Variants in JPH2 observed in about 807,000 individuals in gnomAD.
The protein encoded by JPH2 is junctophilin-2.
In JPH2, 38 loss-of-function variants were observed where a neutral mutation model predicts 55.9. The ratio of observed to expected loss-of-function variants is 0.68; its 90% CI spans 0.52 to 0.89. The LOEUF (loss-of-function observed/expected upper bound fraction) is 0.89, where lower values mean the gene tolerates loss of function less well. Ranked by LOEUF, JPH2 falls within the 40% of genes least tolerant of loss-of-function variation. The pLI is 0.00. For missense variants in JPH2, 964 were observed against 1,037.6 expected (o/e 0.93, Z 0.97); for synonymous variants, 480 against 472.4 (o/e 1.02, Z -0.21).
chr20:44,135,926 C>A (rs1162954077), intron 2 of JPH2, among the ~76,000 whole-genome samples: 1 of 152,198 alleles, frequency 6.6e-6, no homozygotes, highest in East Asian at 1.9e-4. Context: ...TACTACATGA[C>A]AGGCCCATTG....
chr20:44,134,848 TTATAAATATATA>T (rs1393711006), intron 2 of JPH2, among the ~76,000 whole-genome samples: 2 of 98,614 alleles, frequency 2.0e-5, no homozygotes, highest in African/African-American at 4.3e-5. Flanking sequence ...TATATGTTTA[TTATAAATATATA>T]TATAAATATA....
chr20:44,186,159 A>G (rs2072837778), intron 1 of JPH2, among the ~76,000 whole-genome samples, 168 bp downstream of exon 1: 1 of 152,144 alleles, frequency 6.6e-6, no homozygotes, highest in Non-Finnish European at 1.5e-5. Context: ...TTACTACAAG[A>G]AAATGGAAGC....
chr20:44,119,366 C>G (rs1021797361), intron 2 of JPH2, among the ~76,000 whole-genome samples: 4 of 152,160 alleles, frequency 2.6e-5, no homozygotes, highest in African/African-American at 9.7e-5. Context: ...TTGCCTATTT[C>G]CATAATTGAA....
Position 44,109,900 on chromosome 20 carries a change from G to A in JPH2, c.*3618C>T, listed in dbSNP as rs1348325233. Among the ~76,000 whole-genome samples, 2 of 152,058 alleles carry A rather than the reference G, an allele frequency of 1.3e-5. No homozygotes were observed. The highest frequency in any genetic ancestry group is 4.8e-5 in the African/African-American group (2 of 41,364). Reference sequence around the variant, plus strand: ...GTTCCTAGGTCCCCTCCCTTTCACTGCCCTGGAAGAGTCCTGCAGAGACCT... The same window carrying A: ...GTTCCTAGGTCCCCTCCCTTTCACTACCCTGGAAGAGTCCTGCAGAGACCT... On this transcript the variant is annotated 3_prime_UTR_variant, in exon 6 of 6. Transcript: ENST00000372980.
At chr20:44,138,054 CTGG>C (rs1170350395) in intron 2 of JPH2, among the ~76,000 whole-genome samples, 2 of 150,244 alleles carry the variant, frequency 1.3e-5, no homozygotes, top group Admixed American at 1.3e-4. Context: ...ATCACCCAGG[CTGG>C]AGTGCAGTGG....
chr20:44,126,150 GGGA>G (rs2072273990), intron 2 of JPH2, among the ~76,000 whole-genome samples: 1 of 80,534 alleles, frequency 1.2e-5, no homozygotes, highest in Admixed American at 1.2e-4. Flanking sequence ...GAGGGAGGGA[GGGA>G]GGGAGGGAGG....
chr20:44,176,255 A>G (rs2072731895), intron 1 of JPH2, among the ~76,000 whole-genome samples: 1 of 151,870 alleles, frequency 6.6e-6, no homozygotes, highest in Non-Finnish European at 1.5e-5. Context: ...TATTTTCCCA[A>G]AACAGCCTTT....
intron 1 of JPH2, among the ~76,000 whole-genome samples, chr20:44,165,243 A>C: frequency 6.6e-6 from 1 of 151,802 alleles, no homozygotes. Flanking sequence ...ACCTTGATAC[A>C]GTTGGTTTTT....
At chr20:44,144,262 G>A (rs1569201329) in intron 2 of JPH2, among the ~76,000 whole-genome samples, 1 of 152,178 alleles carries the variant, frequency 6.6e-6, no homozygotes, top group Non-Finnish European at 1.5e-5. Flanking sequence ...GGGGAAGGAT[G>A]AAGCTTAAAG....
At chr20:44,152,520 G>C (rs995009330) in intron 2 of JPH2, among the ~76,000 whole-genome samples, 5 of 152,130 alleles carry the variant, frequency 3.3e-5, no homozygotes, top group African/African-American at 9.7e-5. Flanking sequence ...CCACAAAAAA[G>C]GGGGAAAAAA....
At chr20:44,180,345 T>C (rs1468148611) in intron 1 of JPH2, among the ~76,000 whole-genome samples, 1 of 152,098 alleles carries the variant, frequency 6.6e-6, no homozygotes, top group Non-Finnish European at 1.5e-5. Context: ...ATTTTATTTT[T>C]TTTTGACACA....
intron 1 of JPH2, among the ~76,000 whole-genome samples, chr20:44,169,560 C>T (rs1277147378): frequency 6.6e-6 from 1 of 152,126 alleles, no homozygotes; most frequent in Non-Finnish European, 1.5e-5. Flanking sequence ...TTTGAGACAT[C>T]AAAGAGACAT....
intron 4 of JPH2, 42 bp downstream of exon 4, chr20:44,115,623 T>G: frequency 1.2e-6 from 2 of 1,611,240 alleles, no homozygotes; most frequent in Non-Finnish European, 8.5e-7. Context: ...CTGCTACCTC[T>G]AGGGAACCCG....
chr20:44,108,011 T>A lies in JPH2; in HGVS notation c.*5507A>T, dbSNP rs1224649884. Among the ~76,000 whole-genome samples the A allele has an allele frequency of 6.6e-6, 1 of 152,168 alleles. No individual in the cohort carries two copies. Among genetic ancestry groups the A allele is most frequent in the Non-Finnish European group, 1.5e-5 (1 of 68,028 alleles). On this transcript the variant is annotated 3_prime_UTR_variant, in exon 6 of 6. Coordinates refer to ENST00000372980, the MANE Select transcript of JPH2 (RefSeq NM_020433.5). ...AAAATCAACCACAGGGTTAAAAGAT[T>A]GGGGCTTTGGGCTATGTGATGTCAG...
At chr20:44,135,746 C>T (rs913503516) in intron 2 of JPH2, among the ~76,000 whole-genome samples, 12 of 152,214 alleles carry the variant, frequency 7.9e-5, no homozygotes, top group African/African-American at 2.9e-4. Context: ...GTGAGACTCA[C>T]AGAGCTGGAC....
chr20:44,124,302 C>A (rs966904550), intron 2 of JPH2, among the ~76,000 whole-genome samples: 1 of 152,022 alleles, frequency 6.6e-6, no homozygotes, highest in Non-Finnish European at 1.5e-5. Context: ...CAAAGGGGGA[C>A]CCTCACCGGA....
In JPH2 at chr20:44,108,264, C is replaced by T. The variant is rs1022524788; in HGVS notation, c.*5254G>A. ...TAGCATTTGGAACCCTCCCAGATTC[C>T]TTCCTATGTCCCTTTCCCTTGGCTG... On this transcript the variant is annotated 3_prime_UTR_variant, in exon 6 of 6. Coordinates refer to ENST00000372980, the MANE Select transcript of JPH2 (RefSeq NM_020433.5). 8.5e-5 allele frequency among the ~76,000 whole-genome samples: 13 copies of T among 152,202 alleles called. No homozygotes were observed. The highest frequency in any genetic ancestry group is 3.1e-4 in the African/African-American group (13 of 41,444).
intron 2 of JPH2, among the ~76,000 whole-genome samples, chr20:44,151,715 C>A (rs904427688): frequency 6.6e-6 from 1 of 152,088 alleles, no homozygotes; most frequent in Non-Finnish European, 1.5e-5. Flanking sequence ...AACCTTTTAG[C>A]TTGTAACGTC....
Position 44,116,391 on chromosome 20 carries a change from CA to C in JPH2, c.1289-6del. On this transcript the variant is annotated splice_region_variant and splice_polypyrimidine_tract_variant and intron_variant, in intron 3 of 5. Transcript: ENST00000372980. The stretch of plus-strand genomic sequence containing the variant: ...GGCGCTTCTGATATTCCGGACCTGC[CA>C]GGGCAACACAGGGAGGCTGGGCTCG... 6.5e-7 allele frequency: 1 copy of C among 1,547,070 alleles called. No individual in the cohort carries two copies. The highest frequency in any genetic ancestry group is 8.7e-7 in the Non-Finnish European group (1 of 1,146,570).
Sources: allele counts gnomAD v4.1 joint callset (sites outside exome capture counted in the v4.1 genomes callset), GRCh38; gene constraint gnomAD v4.1.1; transcripts MANE v1.5; gene names NCBI Gene and HGNC (gene_info 2026-07-23, HGNC 2026-07-21).